The following COL21A1 variants were observed in gnomAD, a reference collection of about 807,000 sequenced individuals.
COL21A1 encodes the protein collagen alpha-1(XXI) chain.
Under a neutral mutation model 137.9 loss-of-function variants are expected in COL21A1, and 149 were observed. The observed-to-expected ratio is 1.08, with a 90% CI of 0.95 to 1.24. The LOEUF (loss-of-function observed/expected upper bound fraction) is 1.24, where lower values mean the gene tolerates loss of function less well. Among genes scored for constraint, COL21A1 ranks in the 50% most tolerant of loss-of-function variants. The pLI, the probability that COL21A1 is intolerant of heterozygous loss-of-function variation, is 0.00. For synonymous variants in COL21A1, 456 were observed against 391.5 expected (o/e 1.16, Z -1.95); for missense variants, 1,167 against 1,158.4 (o/e 1.01, Z -0.11).
rs1287972443 is a variant in COL21A1, at chr6:56,128,360, G to A, written c.1543-2211C>T. Among the ~76,000 whole-genome samples the A allele has an allele frequency of 3.3e-5, 5 of 152,094 alleles. No homozygotes were observed. The East Asian group carries it at 9.6e-4, about 29-fold the overall frequency. On this transcript the variant is annotated intron_variant, in intron 12 of 29. Transcript: ENST00000244728. ...GTATCAGTTTCTTCCAAGACTTTCT[G>A]TTTGTTGATCTTTAACGTTCCTGTG...
At chr6:56,372,562 T>G (rs2093991387) in intron 1 of COL21A1, among the ~76,000 whole-genome samples, 2 of 152,186 alleles carry the variant, frequency 1.3e-5, no homozygotes, top group African/African-American at 4.8e-5. Flanking sequence ...AGGCAGGAAT[T>G]TCTTGTTTAC....
intron 1 of COL21A1, among the ~76,000 whole-genome samples, chr6:56,346,153 A>C (rs940329994): frequency 2.0e-5 from 3 of 152,224 alleles, no homozygotes; most frequent in Non-Finnish European, 2.9e-5. Flanking sequence ...CTATGTGGCC[A>C]ATGCGCAGAT....
intron 27 of COL21A1, 48 bp downstream of exon 27, chr6:56,060,693 C>G: frequency 2.0e-6 from 3 of 1,477,254 alleles, no homozygotes; most frequent in Non-Finnish European, 2.8e-6. Flanking sequence ...ATTTGTATTA[C>G]TTTTGTAATT....
At chr6:56,306,997 C>T (rs1391618885) in intron 1 of COL21A1, among the ~76,000 whole-genome samples, 1 of 152,210 alleles carries the variant, frequency 6.6e-6, no homozygotes, top group Non-Finnish European at 1.5e-5. Flanking sequence ...ACTCCACACC[C>T]TGTTTGCCTG....
At chr6:56,255,319 C>A (rs1222534551) in intron 1 of COL21A1, among the ~76,000 whole-genome samples, 2 of 145,506 alleles carry the variant, frequency 1.4e-5, no homozygotes, top group African/African-American at 5.1e-5. Context: ...CTAGAGTGAT[C>A]ACTGTTGTTA....
chr6:56,211,411 C>A (rs1780169005), intron 1 of COL21A1, among the ~76,000 whole-genome samples: 1 of 151,566 alleles, frequency 6.6e-6, no homozygotes, highest in African/African-American at 2.4e-5. Context: ...TACTTTAAAC[C>A]TTTTTAATAG....
At chr6:56,328,508 G>A (rs1032964023) in intron 1 of COL21A1, among the ~76,000 whole-genome samples, 5 of 151,950 alleles carry the variant, frequency 3.3e-5, no homozygotes, top group Admixed American at 2.0e-4. Flanking sequence ...TTATATATCT[G>A]TCTTCTATTA....
intron 1 of COL21A1, among the ~76,000 whole-genome samples, chr6:56,301,949 A>G (rs923859374): frequency 1.1e-4 from 16 of 151,808 alleles, no homozygotes; most frequent in African/African-American, 3.6e-4. Flanking sequence ...TCATTGTTCA[A>G]TTCCCACCTA....
chr6:56,098,628 TATATATATAAATATATATAAATATATAA>T lies in COL21A1; in HGVS notation c.1812+2816_1812+2843del, dbSNP rs1770048137. ...ATAAATATATATAAATATATATAAA[TATATATATAAATATATATAAATATATAA>T]ATATATATAAATATATATATAAATA... On this transcript the variant is annotated intron_variant, in intron 17 of 29. Transcript: ENST00000244728. 1.5e-4 allele frequency among the ~76,000 whole-genome samples: 5 copies of T among 33,136 alleles called. 1 individual carries two copies. Among genetic ancestry groups the T allele is most frequent in the African/African-American group, 6.9e-4 (3 of 4,378 alleles). The allele number at this position is 33,136 out of a possible 152,430, so 21.7% of individuals were successfully genotyped here.
chr6:56,270,769 A>G (rs1229877611), intron 1 of COL21A1, among the ~76,000 whole-genome samples: 2 of 152,120 alleles, frequency 1.3e-5, no homozygotes, highest in Non-Finnish European at 2.9e-5. Flanking sequence ...ATGAAATCTG[A>G]TGGTTTAAGA....
chr6:56,281,632 C>G (rs903258895), intron 1 of COL21A1, among the ~76,000 whole-genome samples: 3 of 152,196 alleles, frequency 2.0e-5, no homozygotes, highest in Non-Finnish European at 2.9e-5. Flanking sequence ...ATGGATTTGT[C>G]TGTCTCTTTC....
chr6:56,070,758 GC>G lies in COL21A1; in HGVS notation c.2005del (p.Ala669LeufsTer91). 6.3e-7 allele frequency: 1 copy of G among 1,588,338 alleles called. No individual in the cohort carries two copies. The highest frequency in any genetic ancestry group is 8.5e-7 in the Non-Finnish European group (1 of 1,171,446). On this transcript the variant is annotated frameshift_variant, in exon 21 of 30. Coordinates refer to ENST00000244728, the MANE Select transcript of COL21A1 (RefSeq NM_030820.4). LOFTEE classifies it high-confidence loss of function. ...GEPGIQGMPG[A>X]SGLKGEPGAT... ...CATCAAAATTACCTTGAGCCCAGAA[GC>G]CCCAGGCATCCCTTGAATTCCAGGT...
At chr6:56,089,463 T>C (rs1320699494) in intron 17 of COL21A1, among the ~76,000 whole-genome samples, 1 of 152,190 alleles carries the variant, frequency 6.6e-6, no homozygotes, top group Non-Finnish European at 1.5e-5. Context: ...TAAAAAAATA[T>C]TTCTATGCAA....
At chr6:56,068,001 C>T (rs1475826418) in intron 22 of COL21A1, among the ~76,000 whole-genome samples, 2 of 151,588 alleles carry the variant, frequency 1.3e-5, no homozygotes, top group Non-Finnish European at 3.0e-5. Flanking sequence ...TACAGTTTTG[C>T]ATTTCAACAA....
intron 12 of COL21A1, among the ~76,000 whole-genome samples, chr6:56,129,069 G>A (rs1773283942): frequency 6.6e-6 from 1 of 152,210 alleles, no homozygotes; most frequent in Non-Finnish European, 1.5e-5. Context: ...GTGGAGGACA[G>A]ATTCACTTGG....
chr6:56,129,347 A>C (rs1773307281), intron 12 of COL21A1, among the ~76,000 whole-genome samples: 2 of 152,120 alleles, frequency 1.3e-5, no homozygotes, highest in East Asian at 3.9e-4. Context: ...CAGATAATAC[A>C]GTAACTGGTG....
At chr6:56,086,526 C>T (rs562896700) in intron 17 of COL21A1, among the ~76,000 whole-genome samples, 5 of 152,146 alleles carry the variant, frequency 3.3e-5, no homozygotes, top group South Asian at 4.2e-4. Context: ...AATATATCTA[C>T]TATTCATTAA....
intron 1 of COL21A1, among the ~76,000 whole-genome samples, chr6:56,206,290 T>A (rs2152302031): frequency 6.6e-6 from 1 of 151,246 alleles, no homozygotes; most frequent in Admixed American, 6.6e-5. Context: ...TGGGGGAATA[T>A]TTACCAAGCA....
chr6:56,155,403 C>A (rs1775667729), intron 10 of COL21A1, among the ~76,000 whole-genome samples: 1 of 152,114 alleles, frequency 6.6e-6, no homozygotes, highest in Non-Finnish European at 1.5e-5. Flanking sequence ...GGAACTTAAG[C>A]AACTCTTTCA....
Sources: gnomAD v4.1 joint callset for allele counts (sites outside exome capture counted in the v4.1 genomes callset) on GRCh38, gnomAD v4.1.1 for gene constraint, MANE v1.5 for transcripts, NCBI Gene and HGNC (gene_info 2026-07-23, HGNC 2026-07-21) for gene names.